TCF7L1: variants seen among roughly 807,000 people sequenced by gnomAD.
TCF7L1 encodes the protein transcription factor 7 like 1.
Under a neutral mutation model 63.7 loss-of-function variants are expected in TCF7L1, and 18 were observed. The ratio of observed to expected loss-of-function variants is 0.28; its 90% CI spans 0.20 to 0.42. TCF7L1 has a LOEUF of 0.42. TCF7L1 is among the 10% of genes least tolerant of loss of function. TCF7L1 has a pLI of 1.00. For synonymous variants in TCF7L1, 355 were observed against 340.9 expected, an observed-to-expected ratio of 1.04 and a Z score of -0.46; for missense variants, 654 against 779.3, an observed-to-expected ratio of 0.84 and a Z score of 1.91.
At chr2:85,283,172 C>A (rs7600828) in intron 3 of TCF7L1, among the ~76,000 whole-genome samples, 1 of 151,564 alleles carries the variant, frequency 6.6e-6, no homozygotes, top group Admixed American at 6.6e-5. Flanking sequence ...GGACTTGAGC[C>A]TCACTAGTAG....
At chr2:85,167,154 A>G (rs918367307) in intron 3 of TCF7L1, 2 of 152,190 alleles carry the variant, frequency 1.3e-5, no homozygotes, top group African/African-American at 2.4e-5. Context: ...ACTTACCTTT[A>G]TAGTCAGAGA....
intron 3 of TCF7L1, among the ~76,000 whole-genome samples, chr2:85,175,443 G>A (rs1046674768): frequency 6.6e-6 from 1 of 152,330 alleles, no homozygotes; most frequent in East Asian, 1.9e-4. Context: ...CCCTGATAAC[G>A]TCCATGCAGT....
intron 10 of TCF7L1, 81 bp from the exon 11 acceptor site, chr2:85,307,560 GT>G: frequency 8.2e-7 from 1 of 1,217,804 alleles, no homozygotes; most frequent in Non-Finnish European, 1.2e-6. Context: ...GCAACGTCCT[GT>G]CTTCTCTCTG....
intron 3 of TCF7L1, among the ~76,000 whole-genome samples, chr2:85,155,175 G>A (rs903608287): frequency 6.6e-5 from 10 of 152,134 alleles, no homozygotes; most frequent in Non-Finnish European, 1.3e-4. Context: ...GACTTCCTTG[G>A]TCGAATGGGT....
At position 85,277,243 on chromosome 2, in the gene TCF7L1, C is replaced by G. The variant is rs111410998; in HGVS notation, c.442-6252C>G. Among the ~76,000 whole-genome samples, 59 of 152,276 alleles carry G rather than the reference C, an allele frequency of 3.9e-4. 2 individuals carry two copies. Among genetic ancestry groups the G allele is most frequent in the African/African-American group, 1.4e-3 (57 of 41,542 alleles). ...GATTTGCAGTAGTCCAGGCAAGAAA[C>G]GACTGCAACTGTGGCAGAATGGAGA... On this transcript the variant is annotated intron_variant, in intron 3 of 11. Transcript: ENST00000282111.
intron 3 of TCF7L1, among the ~76,000 whole-genome samples, chr2:85,176,527 C>T (rs571944809): frequency 6.6e-6 from 1 of 152,274 alleles, no homozygotes; most frequent in South Asian, 2.1e-4. Context: ...CTTTCATGTC[C>T]CTGGCTCCAA....
At chr2:85,230,008 CAAAT>C (rs1680041905) in intron 3 of TCF7L1, among the ~76,000 whole-genome samples, 2 of 152,204 alleles carry the variant, frequency 1.3e-5, no homozygotes, top group Admixed American at 6.5e-5. Flanking sequence ...GACCCTGTCT[CAAAT>C]AAATAAATTA....
At chr2:85,171,855 T>C (rs1431435931) in intron 3 of TCF7L1, among the ~76,000 whole-genome samples, 2 of 152,132 alleles carry the variant, frequency 1.3e-5, no homozygotes, top group African/African-American at 4.8e-5. Flanking sequence ...ACCGTGTACA[T>C]GTCAAGTGTC....
intron 4 of TCF7L1, among the ~76,000 whole-genome samples, chr2:85,284,201 G>A (rs1426422097): frequency 6.6e-6 from 1 of 152,092 alleles, no homozygotes; most frequent in Non-Finnish European, 1.5e-5. Flanking sequence ...TAGTAGAGAC[G>A]GTGTTTCACT....
At chr2:85,178,722 C>G (rs1678733157) in intron 3 of TCF7L1, among the ~76,000 whole-genome samples, 2 of 152,170 alleles carry the variant, frequency 1.3e-5, no homozygotes, top group Non-Finnish European at 2.9e-5. Context: ...GTTGGTGCAG[C>G]CTCACTGAAG....
At chr2:85,199,268 T>C (rs573453017) in intron 3 of TCF7L1, among the ~76,000 whole-genome samples, 1 of 152,212 alleles carries the variant, frequency 6.6e-6, no homozygotes, top group East Asian at 1.9e-4. Flanking sequence ...CTTAGCCATT[T>C]TGCATTTAAG....
chr2:85,290,995 A>T lies in TCF7L1; in HGVS notation c.525+7417A>T, dbSNP rs184915847. 1.1e-4 allele frequency among the ~76,000 whole-genome samples: 16 copies of T among 152,254 alleles called. No individual in the cohort carries two copies. The East Asian group carries it at 2.1e-3, about 20-fold the overall frequency. ...CTTCCCTCTTCTTGAAAGATAACAA[A>T]TGTTTGCAGCCACATCACTGTAGCC... is the stretch of plus-strand genomic sequence containing the variant. On this transcript the variant is annotated intron_variant, in intron 4 of 11. Coordinates refer to ENST00000282111, the MANE Select transcript of TCF7L1 (RefSeq NM_031283.3).
chr2:85,266,470 A>G (rs1394392753), intron 3 of TCF7L1, among the ~76,000 whole-genome samples: 1 of 152,254 alleles, frequency 6.6e-6, no homozygotes, highest in Non-Finnish European at 1.5e-5. Context: ...CTGCAAACAA[A>G]TGGGAGTGGA....
At chr2:85,262,383 C>T in intron 3 of TCF7L1, 1 of 398,306 alleles carries the variant, frequency 2.5e-6, no homozygotes, top group Non-Finnish European at 5.1e-6. Context: ...AAGACACCGT[C>T]TCTTAAAAGA....
chr2:85,304,492 T>G, intron 7 of TCF7L1, 154 bp downstream of exon 7: 2 of 668,618 alleles, frequency 3.0e-6, no homozygotes, highest in Non-Finnish European at 5.0e-6. Context: ...CGTCCCGCGC[T>G]CCCCACCCCC....
chr2:85,255,437 G>A (rs1680691830), intron 3 of TCF7L1, among the ~76,000 whole-genome samples: 1 of 152,192 alleles, frequency 6.6e-6, no homozygotes, highest in Non-Finnish European at 1.5e-5. Context: ...ATAGGAAAAT[G>A]GCTTTGATGT....
intron 3 of TCF7L1, among the ~76,000 whole-genome samples, chr2:85,241,431 G>GTTTTTTTTTTTTTTTTTTTTTTTTTTT (rs1273488175): frequency 2.9e-5 from 2 of 68,788 alleles, no homozygotes; most frequent in South Asian, 5.7e-4. Flanking sequence ...GATGCACTTT[G>GTTTTTTTTTTTTTTTTTTTTTTTTTTT]TTTTTGTTTT....
chr2:85,238,777 T>TTTTA (rs200688175), intron 3 of TCF7L1, among the ~76,000 whole-genome samples: 279 of 139,444 alleles, frequency 2.0e-3, no homozygotes, highest in South Asian at 5.0e-3. Context: ...TTTTGGAGCA[T>TTTTA]TTTATTTATT....
chr2:85,180,159 G>A (rs974276684), intron 3 of TCF7L1, among the ~76,000 whole-genome samples: 5 of 151,816 alleles, frequency 3.3e-5, no homozygotes, highest in Admixed American at 2.6e-4. Flanking sequence ...GGAGGGAGAT[G>A]TGAGGCTGAG....
Sources: allele counts gnomAD v4.1 joint callset (sites outside exome capture counted in the v4.1 genomes callset), GRCh38; gene constraint gnomAD v4.1.1; transcripts MANE v1.5; gene names NCBI Gene and HGNC (gene_info 2026-07-23, HGNC 2026-07-21).